HSPB6: variants seen among roughly 807,000 people sequenced by gnomAD.
The protein encoded by HSPB6 is heat shock protein family B (small) member 6, also known as heat shock protein beta-6.
Under a neutral mutation model 10.7 loss-of-function variants are expected in HSPB6, and 8 were observed. That is an observed-to-expected ratio of 0.75 (90% CI 0.44 to 1.35). The LOEUF is 1.35. HSPB6 is among the 40% of genes most tolerant of loss of function. HSPB6 has a pLI of 0.00. For synonymous variants in HSPB6, 128 were observed against 114.2 expected, an observed-to-expected ratio of 1.12 and a Z score of -0.77; for missense variants, 232 against 236.0, an observed-to-expected ratio of 0.98 and a Z score of 0.11.
At chr19:35,756,402 C>G (rs1970756384) in intron 1 of HSPB6, among the ~76,000 whole-genome samples, 1 of 152,236 alleles carries the variant, frequency 6.6e-6, no homozygotes, top group African/African-American at 2.4e-5. Context: ...GGCCCTCTCC[C>G]CTCCTCTTCT....
At chr19:35,755,970 C>T in intron 1 of HSPB6, 76 bp from the exon 2 acceptor site, 2 of 1,504,564 alleles carry the variant, frequency 1.3e-6, no homozygotes, top group Non-Finnish European at 1.8e-6. Flanking sequence ...AGACCCCACC[C>T]CCGTCGGTTC....
In HSPB6 at chr19:35,756,607, C is replaced by T. The variant is rs75780555; in HGVS notation, c.198+204G>A. 4.0e-3 allele frequency among the ~76,000 whole-genome samples: 602 copies of T among 152,266 alleles called. 32 individuals carry two copies. The East Asian group carries it at 0.11, about 27-fold the overall frequency. The stretch of plus-strand genomic sequence containing the variant: ...GGAGAGCTGAGAGCCCCCCACCCCG[C>T]CCCCCACCTAAGAGCGACGGGGACC... On this transcript the variant is annotated intron_variant, in intron 1 of 2. Coordinates refer to ENST00000004982, the MANE Select transcript of HSPB6 (RefSeq NM_144617.3).
In HSPB6 at chr19:35,755,601, G is replaced by A. The variant is rs1005845938; in HGVS notation, c.404C>T (p.Ala135Val). The A allele has an allele frequency of 7.2e-6, 11 of 1,532,678 alleles. No homozygotes were observed. In the African/African-American group the frequency reaches 1.4e-4, roughly 19 times the overall value. The allele number at this position is 1,532,678 out of a possible 1,614,324, so 94.9% of individuals were successfully genotyped here. Residue 135 changes from alanine to valine, a missense_variant, in exon 3 of 3, where the codon GCG becomes GTG. Ala to Val is a moderately conservative substitution (Grantham distance 64). Coordinates refer to ENST00000004982, the MANE Select transcript of HSPB6 (RefSeq NM_144617.3). The stretch of plus-strand genomic sequence containing the variant: ...GGACAGGACGCCCTCGGGGGACAGC[G>A]CGGACGTCACGGCAGCCGGATCCAC... ...PGVDPAAVTS[A>V]LSPEGVLSIQ...
In HSPB6 at chr19:35,755,471, T is replaced by C. The variant is rs1970740428; in HGVS notation, c.*51A>G. On this transcript the variant is annotated 3_prime_UTR_variant, in exon 3 of 3. Transcript: ENST00000004982. The stretch of plus-strand genomic sequence containing the variant: ...CTGGGCGGAGTCAGATCGGCTTTAA[T>C]AGAGGGAGCCTGAGGAGGCTCCCGG... 2.0e-6 allele frequency: 3 copies of C among 1,511,742 alleles called. No individual in the cohort carries two copies. Among genetic ancestry groups the C allele is most frequent in the East Asian group, 2.5e-5 (1 of 40,304 alleles). 93.6% of individuals were successfully genotyped at this position (1,511,742 alleles called of 1,614,324 possible). A position where few individuals can be genotyped will look rare whatever the true frequency, so the allele number is the denominator to read the frequency against.
In HSPB6 at chr19:35,754,667, T is replaced by C. The variant is rs991386663; in HGVS notation, c.*855A>G. Reference sequence around the variant, plus strand: ...GTGGGGAATCAGAGCGGGTGCTCAGTTGGGTCTTGAAGGAGAAGAGGAGGA... The same window carrying C: ...GTGGGGAATCAGAGCGGGTGCTCAGCTGGGTCTTGAAGGAGAAGAGGAGGA... On this transcript the variant is annotated 3_prime_UTR_variant, in exon 3 of 3. Transcript: ENST00000004982. 1.4e-5 allele frequency: 9 copies of C among 631,590 alleles called. No individual in the cohort carries two copies. Among genetic ancestry groups the C allele is most frequent in the East Asian group, 8.3e-5 (3 of 36,236 alleles). 39.1% of individuals were successfully genotyped at this position (631,590 alleles called of 1,614,324 possible). A position where few individuals can be genotyped will look rare whatever the true frequency, so the allele number is the denominator to read the frequency against.
chr19:35,756,765 C>T (rs1335339823), intron 1 of HSPB6, 46 bp downstream of exon 1: 1 of 1,524,754 alleles, frequency 6.6e-7, no homozygotes, highest in Non-Finnish European at 8.8e-7. Context: ...GCCCCAGACC[C>T]CTGGCAATGG....
rs1316672780 is a variant in HSPB6 at position 35,756,803 on chromosome 19, C to T, written c.198+8G>A. ...GTGGTCGAGTTCACCCCTCCCCAGG[C>T]CTGGCACCTGGGCGACGGGCAGCGC... is the stretch of plus-strand genomic sequence containing the variant. On this transcript the variant is annotated splice_region_variant and intron_variant, in intron 1 of 2. Transcript: ENST00000004982. 2 of 1,535,098 alleles carry T rather than the reference C, an allele frequency of 1.3e-6. No individual in the cohort carries two copies. Among genetic ancestry groups the T allele is most frequent in the Non-Finnish European group, 1.7e-6 (2 of 1,146,434 alleles).
Position 35,755,536 on chromosome 19 carries a change from C to A in HSPB6, c.469G>T (p.Ala157Ser). 6.7e-7 allele frequency: 1 copy of A among 1,492,530 alleles called. No homozygotes were observed. Among genetic ancestry groups the A allele is most frequent in the South Asian group, 1.2e-5 (1 of 81,450 alleles). 92.5% of individuals were successfully genotyped at this position (1,492,530 alleles called of 1,614,324 possible). ...CCAGCCCCCTCCTACTTGGCTGCGG[C>A]TGGCGGTGGGGCCTGGGCCGACGCT... ...APASAQAPPP[A>S]AAK The change falls in exon 3 of 3, where the codon GCC (alanine) becomes TCC (serine). Residue 157 changes from alanine to serine, a missense_variant. Coordinates refer to ENST00000004982, the MANE Select transcript of HSPB6 (RefSeq NM_144617.3).
chr19:35,756,915 G>A lies in HSPB6; in HGVS notation c.94C>T (p.Arg32Cys). 1 of 1,540,950 alleles carries A rather than the reference G, an allele frequency of 6.5e-7. No homozygotes were observed. Among genetic ancestry groups the A allele is most frequent in the Non-Finnish European group, 8.7e-7 (1 of 1,146,288 alleles). ...LSAPGRLFDQ[R>C]FGEGLLEAEL... Reference sequence around the variant, plus strand: ...GCCTCCAGCAGCCCCTCGCCGAAGCGCTGGTCAAAGAGGCGTCCGGGCGCC... The same window carrying A: ...GCCTCCAGCAGCCCCTCGCCGAAGCACTGGTCAAAGAGGCGTCCGGGCGCC... Residue 32 changes from arginine (R) to cysteine (C), a missense_variant, in exon 1 of 3, where the codon CGC becomes TGC. Arg to Cys is a radical substitution (Grantham distance 180, BLOSUM62 -3). Transcript: ENST00000004982.
chr19:35,755,551 G>A lies in HSPB6; in HGVS notation c.454C>T (p.Gln152Ter), dbSNP rs1970741775. 2 of 1,525,964 alleles carry A rather than the reference G, an allele frequency of 1.3e-6. No individual in the cohort carries two copies. The highest frequency in any genetic ancestry group is 2.0e-5 in the Admixed American group (1 of 50,088). 94.5% of individuals were successfully genotyped at this position (1,525,964 alleles called of 1,614,324 possible). The change falls in exon 3 of 3, where the codon CAG becomes TAG. Residue 152 changes from glutamine (Q) to a stop codon, truncating the protein, a stop_gained. Coordinates refer to ENST00000004982, the MANE Select transcript of HSPB6 (RefSeq NM_144617.3). LOFTEE classifies it high-confidence loss of function. Reference sequence around the variant, plus strand: ...TTGGCTGCGGCTGGCGGTGGGGCCTGGGCCGACGCTGGTGCGGCCTGGATG... The same window carrying A: ...TTGGCTGCGGCTGGCGGTGGGGCCTAGGCCGACGCTGGTGCGGCCTGGATG... ...LSIQAAPASA[Q>*]APPPAAAK
intron 1 of HSPB6, among the ~76,000 whole-genome samples, chr19:35,756,370 G>T (rs1279600891): frequency 6.6e-6 from 1 of 151,998 alleles, no homozygotes; most frequent in Non-Finnish European, 1.5e-5. Context: ...AGAGTGGCCG[G>T]GAACCCTTCC....
Position 35,755,699 on chromosome 19 carries a change from G to T in HSPB6, c.322-16C>A. 1 of 1,529,472 alleles carries T rather than the reference G, an allele frequency of 6.5e-7. No individual in the cohort carries two copies. Among genetic ancestry groups the T allele is most frequent in the South Asian group, 1.2e-5 (1 of 81,700 alleles). The allele number at this position is 1,529,472 out of a possible 1,614,324, so 94.7% of individuals were successfully genotyped here. On this transcript the variant is annotated splice_polypyrimidine_tract_variant and intron_variant, in intron 2 of 2. Coordinates refer to ENST00000004982, the MANE Select transcript of HSPB6 (RefSeq NM_144617.3). ...CGTGCTCATCCTGGAGGGGAGGGAG[G>T]CTTGAGCGGCCCCGCCCCTCCGGCC...
chr19:35,755,862 C>A lies in HSPB6; in HGVS notation c.231G>T (p.Leu77=). 1.3e-6 allele frequency: 2 copies of A among 1,584,682 alleles called. No homozygotes were observed. Among genetic ancestry groups the A allele is most frequent in the Non-Finnish European group, 1.7e-6 (2 of 1,166,732 alleles). The change falls in exon 2 of 3, where the codon CTG becomes CTT. Residue 77 remains leucine, a synonymous_variant. Coordinates refer to ENST00000004982, the MANE Select transcript of HSPB6 (RefSeq NM_144617.3). ...CCGGCGAGAAGTGCTTCACGTCTAGCAGCACCGAAAAGTGGCCGGGGTCCG... is the reference window on the plus strand; with the variant it reads ...CCGGCGAGAAGTGCTTCACGTCTAGAAGCACCGAAAAGTGGCCGGGGTCCG... ...VPTDPGHFSV[L]LDVKHFSPEE... is the part of the protein sequence containing the mutation.
Position 35,755,251 on chromosome 19 carries a change from C to G in HSPB6, c.*271G>C, listed in dbSNP as rs1970738135. 1.6e-6 allele frequency: 1 copy of G among 616,096 alleles called. No homozygotes were observed. Among genetic ancestry groups the G allele is most frequent in the Non-Finnish European group, 2.9e-6 (1 of 349,694 alleles). 38.2% of individuals were successfully genotyped at this position (616,096 alleles called of 1,614,324 possible). On this transcript the variant is annotated 3_prime_UTR_variant, in exon 3 of 3. Transcript: ENST00000004982. Reference sequence around the variant, plus strand: ...GGGTCGGTGGGGCTGAGACTGTCGGCTGAGGGTTAGGGTAGTGCTGGTAGG... The same window carrying G: ...GGGTCGGTGGGGCTGAGACTGTCGGGTGAGGGTTAGGGTAGTGCTGGTAGG...
chr19:35,756,950 G>A lies in HSPB6; in HGVS notation c.59C>T (p.Pro20Leu), dbSNP rs11549029. 1,508 of 1,544,234 alleles carry A rather than the reference G, an allele frequency of 9.8e-4. 3 individuals carry two copies. Among genetic ancestry groups the A allele is most frequent in the Non-Finnish European group, 1.1e-3 (1,216 of 1,146,546 alleles). Residue 20 changes from proline (P) to leucine (L), a missense_variant, in exon 1 of 3, where the codon CCC becomes CTC. Coordinates refer to ENST00000004982, the MANE Select transcript of HSPB6 (RefSeq NM_144617.3). ...SWLRRASAPL[P>L]GLSAPGRLFD... ...GAGGCGTCCGGGCGCCGAAAGTCCGGGCAACGGGGCCGAGGCGCGGCGCAG... is the reference window on the plus strand; with the variant it reads ...GAGGCGTCCGGGCGCCGAAAGTCCGAGCAACGGGGCCGAGGCGCGGCGCAG...
rs1359582878 is a variant in HSPB6, at chr19:35,756,876, G to A, written c.133C>T (p.Leu45Phe). The change falls in exon 1 of 3, where the codon CTC becomes TTC. Residue 45 changes from leucine (L) to phenylalanine (F), a missense_variant. Leu to Phe is a conservative substitution (Grantham distance 22). Transcript: ENST00000004982. ...EGLLEAELAA[L>F]CPTTLAPYYL... ...TAGGGGGCGAGCGTGGTGGGGCAGA[G>A]CGCAGCCAGCTCGGCCTCCAGCAGC... is the stretch of plus-strand genomic sequence containing the variant. 2 of 1,537,574 alleles carry A rather than the reference G, an allele frequency of 1.3e-6. No homozygotes were observed. The highest frequency in any genetic ancestry group is 1.2e-5 in the South Asian group (1 of 83,868).
In HSPB6 at chr19:35,755,043, T is replaced by C; in HGVS notation, c.*479A>G. On this transcript the variant is annotated 3_prime_UTR_variant, in exon 3 of 3. Transcript: ENST00000004982. ...GGTCTGGAGTGGGAGGTCTGTGCAG[T>C]CCAGGACGTTTGGGGGGTGGGGGGA... The C allele has an allele frequency of 3.8e-6, 1 of 265,898 alleles. No homozygotes were observed. Among genetic ancestry groups the C allele is most frequent in the South Asian group, 2.9e-5 (1 of 34,464 alleles). The allele number at this position is 265,898 out of a possible 1,614,324, so 16.5% of individuals were successfully genotyped here. A position where few individuals can be genotyped will look rare whatever the true frequency, so the allele number is the denominator to read the frequency against.
At chr19:35,756,107 C>T (rs141923354) in intron 1 of HSPB6, among the ~76,000 whole-genome samples, 4 of 152,220 alleles carry the variant, frequency 2.6e-5, no homozygotes, top group African/African-American at 7.2e-5. Context: ...ATTGCCCTCT[C>T]CCCCGCAGTG....
chr19:35,755,325 G>A lies in HSPB6; in HGVS notation c.*197C>T, dbSNP rs1297786533. The A allele has an allele frequency of 2.8e-6, 2 of 704,364 alleles. No homozygotes were observed. Among genetic ancestry groups the A allele is most frequent in the African/African-American group, 1.8e-5 (1 of 56,096 alleles). 43.6% of individuals were successfully genotyped at this position (704,364 alleles called of 1,614,324 possible). On this transcript the variant is annotated 3_prime_UTR_variant, in exon 3 of 3. Coordinates refer to ENST00000004982, the MANE Select transcript of HSPB6 (RefSeq NM_144617.3). ...GTGTGGGGTCGGAAAGCTGGAGGGG[G>A]TGTGAGAGCGAGGGTGTCAGTGGAA...
Sources: allele counts gnomAD v4.1 joint callset (sites outside exome capture counted in the v4.1 genomes callset), GRCh38; gene constraint gnomAD v4.1.1; transcripts MANE v1.5; gene names NCBI Gene and HGNC (gene_info 2026-07-23, HGNC 2026-07-21).